Variants in ABCC5 observed in about 807,000 individuals in gnomAD.
ABCC5 encodes ATP binding cassette subfamily C member 5, also known as ATP-binding cassette sub-family C member 5.
A neutral mutation model predicts 160.9 loss-of-function variants in ABCC5; 61 were observed. That is an observed-to-expected ratio of 0.38 (90% confidence interval 0.31 to 0.47). ABCC5 has a LOEUF of 0.47. Ranked by LOEUF, ABCC5 falls within the 20% of genes least tolerant of loss-of-function variation. The pLI is 0.99. For missense variants in ABCC5, 1,308 were observed against 1,813.3 expected, an observed-to-expected ratio of 0.72 and a Z score of 5.06; for synonymous variants, 666 against 700.6, an observed-to-expected ratio of 0.95 and a Z score of 0.78.
chr3:183,970,613 T>C (rs763329582), intron 11 of ABCC5, among the ~76,000 whole-genome samples: 29 of 152,080 alleles, frequency 1.9e-4, no homozygotes, highest in Non-Finnish European at 3.2e-4. Context: ...ATTTTCCTAG[T>C]TGTTGTAGAG....
intron 2 of ABCC5, among the ~76,000 whole-genome samples, chr3:183,997,416 T>C (rs566354622): frequency 3.3e-5 from 5 of 152,358 alleles, no homozygotes; most frequent in African/African-American, 1.2e-4. Context: ...AGCTATATTA[T>C]CCCAATTTAC....
Position 183,942,796 on chromosome 3 carries a change from CGA to C in ABCC5, c.3623_3624del (p.Leu1208ArgfsTer12). ...ATCGTGAAGGATACTTTCTTTAGGA[CGA>C]GAGGGAGGTTTTCTCGGTACCTCAT... ...AEMRYRENLP[L>X]VLKKVSFTIK... On this transcript the variant is annotated frameshift_variant, in exon 25 of 30. Coordinates refer to ENST00000334444, the MANE Select transcript of ABCC5 (RefSeq NM_005688.4). LOFTEE classifies it high-confidence loss of function. 6.2e-7 allele frequency: 1 copy of C among 1,614,128 alleles called. No individual in the cohort carries two copies. Among genetic ancestry groups the C allele is most frequent in the Non-Finnish European group, 8.5e-7 (1 of 1,180,018 alleles).
chr3:183,930,364 C>T (rs1449949049), intron 26 of ABCC5, among the ~76,000 whole-genome samples: 1 of 152,250 alleles, frequency 6.6e-6, no homozygotes, highest in Non-Finnish European at 1.5e-5. Flanking sequence ...GGCGTTTTTC[C>T]CGCTTGGAAC....
At position 183,921,416 on chromosome 3, in the gene ABCC5, G is replaced by A; in HGVS notation, c.4213-15C>T. ...AACTCCACCACCTGCAAAAGAAGGA[G>A]ACGCCGTCAGGACACAGCTCTGGGT... On this transcript the variant is annotated splice_polypyrimidine_tract_variant and intron_variant, in intron 29 of 29. Coordinates refer to ENST00000334444, the MANE Select transcript of ABCC5 (RefSeq NM_005688.4). This position sits in a 1 kb window ranked among gnomAD's most constrained non-coding sequence, Gnocchi z 4.1. 1 of 1,611,004 alleles carries A rather than the reference G, an allele frequency of 6.2e-7. No homozygotes were observed. Among genetic ancestry groups the A allele is most frequent in the Non-Finnish European group, 8.5e-7 (1 of 1,178,660 alleles).
chr3:183,925,419 A>G (rs1712438637), intron 29 of ABCC5, 136 bp downstream of exon 29: 1 of 821,834 alleles, frequency 1.2e-6, no homozygotes, highest in Non-Finnish European at 1.8e-6. Context: ...ATCCCTCCCA[A>G]TAGCAAGTAA....
chr3:183,966,682 A>G (rs1211812059), intron 12 of ABCC5, among the ~76,000 whole-genome samples: 3 of 151,930 alleles, frequency 2.0e-5, no homozygotes, highest in African/African-American at 7.3e-5. Context: ...GGTGCTTTTT[A>G]CAAGACCAAT....
intron 26 of ABCC5, among the ~76,000 whole-genome samples, chr3:183,936,883 G>C (rs141858719): frequency 1.3e-5 from 2 of 152,202 alleles, no homozygotes; most frequent in South Asian, 2.1e-4. Context: ...TTAAGGCTAA[G>C]GGTAGGATCA....
At chr3:183,978,206 T>A (rs1207728337) in intron 9 of ABCC5, among the ~76,000 whole-genome samples, 2 of 152,216 alleles carry the variant, frequency 1.3e-5, no homozygotes, top group Non-Finnish European at 2.9e-5. Flanking sequence ...GGCTCCCCAC[T>A]CTTCTGCTTC....
Position 183,987,580 on chromosome 3 carries a change from C to A in ABCC5, c.591+190G>T. 1.4e-6 allele frequency: 1 copy of A among 725,774 alleles called. No individual in the cohort carries two copies. Among genetic ancestry groups the A allele is most frequent in the South Asian group, 1.7e-5 (1 of 59,328 alleles). 45.0% of individuals were successfully genotyped at this position (725,774 alleles called of 1,614,324 possible). A position where few individuals can be genotyped will look rare whatever the true frequency, so the allele number is the denominator to read the frequency against. Reference sequence around the variant, plus strand: ...AAATCAAGCCAGTTCCATTTCTTCTCTGGCAACACTGCCCTTTCATCCTTC... The same window carrying A: ...AAATCAAGCCAGTTCCATTTCTTCTATGGCAACACTGCCCTTTCATCCTTC... On this transcript the variant is annotated intron_variant, in intron 5 of 29. Transcript: ENST00000334444. This position sits in a 1 kb window ranked among gnomAD's most constrained non-coding sequence, Gnocchi z 4.2.
In ABCC5 at chr3:183,921,072, GT is replaced by G. The variant is rs1711921763; in HGVS notation, c.*227del. 3 of 399,278 alleles carry G rather than the reference GT, an allele frequency of 7.5e-6. No individual in the cohort carries two copies. Among genetic ancestry groups the G allele is most frequent in the Non-Finnish European group, 9.0e-6 (2 of 222,592 alleles). 24.7% of individuals were successfully genotyped at this position (399,278 alleles called of 1,614,324 possible). ...ATAACGGTTCCCTGAACCTTTTAGA[GT>G]GCAATTAAGAACAAAAACTAAATTT... On this transcript the variant is annotated 3_prime_UTR_variant, in exon 30 of 30. Coordinates refer to ENST00000334444, the MANE Select transcript of ABCC5 (RefSeq NM_005688.4). This position sits in a 1 kb window ranked among gnomAD's most constrained non-coding sequence, Gnocchi z 4.1.
chr3:183,960,541 C>T (rs1716621252), intron 16 of ABCC5, among the ~76,000 whole-genome samples: 1 of 152,124 alleles, frequency 6.6e-6, no homozygotes, highest in Non-Finnish European at 1.5e-5. Context: ...TAGTACTATA[C>T]ATGTGATGTG....
chr3:183,986,151 G>T (rs557470219), intron 5 of ABCC5: 2 of 152,166 alleles, frequency 1.3e-5, no homozygotes, highest in Non-Finnish European at 2.9e-5. Flanking sequence ...AAACCAGCCT[G>T]GTTTTTCAAT....
Position 184,014,381 on chromosome 3 carries a change from G to A in ABCC5, c.12C>T (p.Ile4=), listed in dbSNP as rs754069655. The A allele has an allele frequency of 8.7e-6, 14 of 1,612,284 alleles. No homozygotes were observed. Among genetic ancestry groups the A allele is most frequent in the East Asian group, 2.2e-5 (1 of 44,758 alleles). The change falls in exon 2 of 30, where the codon ATC becomes ATT. Residue 4 remains isoleucine (I), a synonymous_variant. Transcript: ENST00000334444. ...GGATGATATACTCTTTTCCTATGTCGATATCCTTCATCTTCTCTGAGTGGA... is the reference window on the plus strand; with the variant it reads ...GGATGATATACTCTTTTCCTATGTCAATATCCTTCATCTTCTCTGAGTGGA... MKD[I]DIGKEYIIPS...
intron 11 of ABCC5, among the ~76,000 whole-genome samples, chr3:183,968,521 A>G (rs1560017630): frequency 6.6e-6 from 1 of 152,210 alleles, no homozygotes; most frequent in Admixed American, 6.5e-5. Flanking sequence ...TTAATTTTCA[A>G]TAAAAACCAT....
At chr3:183,950,299 G>A (rs1020375882) in intron 20 of ABCC5, among the ~76,000 whole-genome samples, 174 bp from the exon 21 acceptor site, 1 of 148,402 alleles carries the variant, frequency 6.7e-6, no homozygotes, top group Non-Finnish European at 1.5e-5. Flanking sequence ...TTTTTTTTTC[G>A]TCTCAAGAAA....
At chr3:183,996,125 T>C (rs1720266726) in intron 2 of ABCC5, among the ~76,000 whole-genome samples, 1 of 152,186 alleles carries the variant, frequency 6.6e-6, no homozygotes, top group South Asian at 2.1e-4. Flanking sequence ...TCTATAAACA[T>C]CTTTGATGTT....
intron 2 of ABCC5, among the ~76,000 whole-genome samples, chr3:184,009,412 C>T (rs1721508819): frequency 2.0e-5 from 3 of 151,972 alleles, no homozygotes; most frequent in African/African-American, 7.3e-5. Context: ...CAATCTCTGC[C>T]CAATTAACTG....
At chr3:183,956,619 T>C (rs1416461077) in intron 17 of ABCC5, among the ~76,000 whole-genome samples, 1 of 149,810 alleles carries the variant, frequency 6.7e-6, no homozygotes, top group African/African-American at 2.5e-5. Flanking sequence ...TCACATCTGT[T>C]ACATGCAGAT....
chr3:183,976,263 A>G (rs142189300), intron 10 of ABCC5, among the ~76,000 whole-genome samples: 4 of 151,858 alleles, frequency 2.6e-5, no homozygotes, highest in African/African-American at 4.8e-5. Flanking sequence ...ACAAAAAAAA[A>G]CAAAAACACA....
Sources: allele counts gnomAD v4.1 joint callset (sites outside exome capture counted in the v4.1 genomes callset), GRCh38; gene constraint gnomAD v4.1.1; non-coding constraint Gnocchi (gnomAD v3.1); transcripts MANE v1.5; gene names NCBI Gene and HGNC (gene_info 2026-07-23, HGNC 2026-07-21).